Variants in DAB1 observed in about 807,000 individuals in gnomAD.
DAB1 encodes disabled homolog 1.
A neutral mutation model predicts 64.6 loss-of-function variants in DAB1; 15 were observed. The observed-to-expected ratio is 0.23, with a 90% CI of 0.16 to 0.36. DAB1 has a LOEUF of 0.36. DAB1 is among the 10% of genes least tolerant of loss of function. The probability of loss-of-function intolerance (pLI) is 1.00; values close to 1 mark genes in which losing one functional copy is unlikely to be tolerated. For missense variants in DAB1, 596 were observed against 706.7 expected, an observed-to-expected ratio of 0.84 and a Z score of 1.78; for synonymous variants, 235 against 251.9, an observed-to-expected ratio of 0.93 and a Z score of 0.64.
intron 2 of DAB1, among the ~76,000 whole-genome samples, chr1:57,174,227 T>C (rs1557864933): frequency 6.6e-6 from 1 of 152,156 alleles, no homozygotes; most frequent in Non-Finnish European, 1.5e-5. Flanking sequence ...TTTCATGACT[T>C]ACCCCACCCT....
At chr1:57,466,470 C>T (rs1169562484) in intron 7 of DAB1, among the ~76,000 whole-genome samples, 1 of 152,166 alleles carries the variant, frequency 6.6e-6, no homozygotes, top group Admixed American at 6.5e-5. Context: ...AACGTAACCC[C>T]TCTGAGCCTC....
chr1:58,527,228 G>T (rs761239007), intron 2 of DAB1: 1 of 865,570 alleles, frequency 1.2e-6, no homozygotes, highest in Admixed American at 1.7e-5. Context: ...CCTGGGAAGG[G>T]CATTATGTAT....
chr1:58,223,698 T>C (rs1378804860), intron 4 of DAB1, among the ~76,000 whole-genome samples: 1 of 152,116 alleles, frequency 6.6e-6, no homozygotes, highest in Non-Finnish European at 1.5e-5. Flanking sequence ...CTAGATCTGA[T>C]AAAGGAGATT....
chr1:57,050,818 T>A (rs1649111045), intron 9 of DAB1, among the ~76,000 whole-genome samples: 1 of 152,148 alleles, frequency 6.6e-6, no homozygotes, highest in Non-Finnish European at 1.5e-5. Flanking sequence ...GAGAATGTTG[T>A]TTGGTAGGGC....
chr1:57,801,011 C>T (rs549128921), intron 6 of DAB1, among the ~76,000 whole-genome samples: 39 of 152,260 alleles, frequency 2.6e-4, no homozygotes, highest in African/African-American at 8.7e-4. Context: ...ATATCCCTAC[C>T]GATAAAGTGG....
intron 4 of DAB1, among the ~76,000 whole-genome samples, chr1:58,211,124 T>C (rs1658530944): frequency 6.6e-6 from 1 of 152,068 alleles, no homozygotes; most frequent in Non-Finnish European, 1.5e-5. Context: ...AAGAGTGTCA[T>C]GAACCATGGT....
intron 1 of DAB1, among the ~76,000 whole-genome samples, chr1:58,543,059 A>C (rs138594071): frequency 1.2e-3 from 189 of 152,182 alleles, no homozygotes; most frequent in African/African-American, 4.3e-3. Context: ...TAAGTGAGAG[A>C]CCACAAAGCC....
At chr1:58,521,714 A>T (rs1406574031) in intron 2 of DAB1, among the ~76,000 whole-genome samples, 2 of 152,154 alleles carry the variant, frequency 1.3e-5, no homozygotes, top group East Asian at 3.8e-4. Flanking sequence ...CTGAAACAAG[A>T]AATAGAAAAA....
chr1:58,523,715 C>G (rs942955708), intron 2 of DAB1, among the ~76,000 whole-genome samples: 7 of 152,048 alleles, frequency 4.6e-5, no homozygotes, highest in African/African-American at 1.7e-4. Flanking sequence ...CTGGCTAACA[C>G]GGTGAAACCC....
chr1:58,061,258 T>A (rs1209387704), intron 5 of DAB1, among the ~76,000 whole-genome samples: 1 of 152,200 alleles, frequency 6.6e-6, no homozygotes, highest in Non-Finnish European at 1.5e-5. Context: ...TCTGCTTTAG[T>A]ATTCTAGGGT....
intron 2 of DAB1, among the ~76,000 whole-genome samples, chr1:57,286,942 TAA>T (rs1429888892): frequency 5.9e-5 from 9 of 152,132 alleles, no homozygotes; most frequent in African/African-American, 1.9e-4. Flanking sequence ...GTATAAATTA[TAA>T]GAGGAAAAAT....
chr1:58,172,812 G>A (rs183020077), intron 4 of DAB1, among the ~76,000 whole-genome samples: 6 of 152,330 alleles, frequency 3.9e-5, no homozygotes, highest in East Asian at 1.9e-4. Context: ...GCAGTTGCCC[G>A]AGCCTTAGAA....
At chr1:57,263,147 G>A (rs888473474) in intron 2 of DAB1, among the ~76,000 whole-genome samples, 6 of 150,072 alleles carry the variant, frequency 4.0e-5, no homozygotes, top group South Asian at 2.1e-4. Context: ...ACGGAGTCTC[G>A]CTCTGTTGCC....
chr1:57,005,852 G>C (rs1390802681), intron 14 of DAB1, among the ~76,000 whole-genome samples: 2 of 152,160 alleles, frequency 1.3e-5, no homozygotes, highest in Non-Finnish European at 2.9e-5. Flanking sequence ...AAATACCTGA[G>C]TGTTCCTGTG....
At chr1:57,330,940 C>T (rs1255510578) in intron 1 of DAB1, among the ~76,000 whole-genome samples, 1 of 152,090 alleles carries the variant, frequency 6.6e-6, no homozygotes. Flanking sequence ...TGTAGAGCCA[C>T]CTAAACAGCA....
At chr1:58,341,539 T>C (rs983868060) in intron 4 of DAB1, among the ~76,000 whole-genome samples, 1 of 152,200 alleles carries the variant, frequency 6.6e-6, no homozygotes, top group African/African-American at 2.4e-5. Context: ...CCTTATGAAG[T>C]AGATCGTATC....
At chr1:57,359,744 C>A (rs1423086173) in intron 1 of DAB1, among the ~76,000 whole-genome samples, 2 of 151,998 alleles carry the variant, frequency 1.3e-5, no homozygotes, top group Non-Finnish European at 2.9e-5. Flanking sequence ...CAATGTAATA[C>A]TATTCAGCCA....
intron 4 of DAB1, among the ~76,000 whole-genome samples, chr1:58,334,122 G>A (rs1201252704): frequency 6.6e-6 from 1 of 152,092 alleles, no homozygotes; most frequent in Non-Finnish European, 1.5e-5. Flanking sequence ...TTGGCCATGT[G>A]ACATATCTTG....
chr1:58,007,180 A>G (rs1646597167), intron 5 of DAB1, among the ~76,000 whole-genome samples: 1 of 152,182 alleles, frequency 6.6e-6, no homozygotes, highest in South Asian at 2.1e-4. Flanking sequence ...AACAACACAG[A>G]TCCCACAAAG....
Sources: allele counts gnomAD v4.1 joint callset (sites outside exome capture counted in the v4.1 genomes callset), GRCh38; gene constraint gnomAD v4.1.1; transcripts MANE v1.5; gene names NCBI Gene and HGNC (gene_info 2026-07-23, HGNC 2026-07-21).